Variants in STK10 observed in about 807,000 individuals in gnomAD.
STK10 encodes the protein serine/threonine-protein kinase 10.
A neutral mutation model predicts 113.8 loss-of-function variants in STK10; 78 were observed. That is an observed-to-expected ratio of 0.69 (90% CI 0.57 to 0.83). The LOEUF is 0.83. Among genes scored for constraint, STK10 ranks in the 40% least tolerant of loss-of-function variants. The pLI is 0.00. For missense variants in STK10, 1,109 were observed against 1,280.1 expected (o/e 0.87, Z 2.04); for synonymous variants, 465 against 494.7 (o/e 0.94, Z 0.80).
At chr5:172,148,570 A>G (rs1404525371) in intron 2 of STK10, among the ~76,000 whole-genome samples, 4 of 152,236 alleles carry the variant, frequency 2.6e-5, no homozygotes, top group Non-Finnish European at 5.9e-5. Flanking sequence ...TGGGCCACCA[A>G]CCGCACCCGG....
intron 18 of STK10, chr5:172,045,495 CA>C (rs1466639223): frequency 1.3e-5 from 6 of 446,072 alleles, no homozygotes; most frequent in Non-Finnish European, 2.2e-5. Context: ...AAAACAAAAA[CA>C]AAAACAAAAA....
chr5:172,088,123 T>C (rs545700883), intron 10 of STK10, among the ~76,000 whole-genome samples: 84 of 152,132 alleles, frequency 5.5e-4, no homozygotes, highest in South Asian at 4.2e-3. Context: ...GTTGCCCAGA[T>C]GGTCTCGAAC....
chr5:172,182,529 G>A (rs1051595482), intron 1 of STK10, among the ~76,000 whole-genome samples: 3 of 148,648 alleles, frequency 2.0e-5, no homozygotes, highest in African/African-American at 5.0e-5. Flanking sequence ...GACCACGGGC[G>A]CATGTCACCA....
At chr5:172,112,689 G>T (rs1206502459) in intron 4 of STK10, among the ~76,000 whole-genome samples, 2 of 151,518 alleles carry the variant, frequency 1.3e-5, no homozygotes, top group Non-Finnish European at 2.9e-5. Flanking sequence ...AAAGTGCTGG[G>T]ATTACAGGTG....
intron 7 of STK10, among the ~76,000 whole-genome samples, chr5:172,100,174 A>G (rs943398345): frequency 8.5e-5 from 13 of 152,230 alleles, no homozygotes; most frequent in African/African-American, 3.1e-4. Flanking sequence ...TTAGAGGCCC[A>G]TTAGAGAGAT....
chr5:172,047,997 G>A (rs1561785845), intron 18 of STK10, among the ~76,000 whole-genome samples: 1 of 149,610 alleles, frequency 6.7e-6, no homozygotes, highest in Non-Finnish European at 1.5e-5. Flanking sequence ...CCGCCTCCCG[G>A]GTTCAAGCCA....
intron 18 of STK10, chr5:172,045,564 G>T: frequency 2.5e-6 from 1 of 407,378 alleles, no homozygotes; most frequent in Non-Finnish European, 4.8e-6. Flanking sequence ...ATCTGTGGTG[G>T]GACCAAGGCC....
At chr5:172,127,505 T>C in intron 2 of STK10, 84 bp from the exon 3 acceptor site, 1 of 1,460,202 alleles carries the variant, frequency 6.8e-7, no homozygotes, top group South Asian at 1.2e-5. Context: ...TTGGGCAGGG[T>C]CCACCCATGC....
At chr5:172,069,702 C>T (rs1297909211) in intron 12 of STK10, among the ~76,000 whole-genome samples, 1 of 151,968 alleles carries the variant, frequency 6.6e-6, no homozygotes, top group East Asian at 1.9e-4. Flanking sequence ...TAGATAAATC[C>T]ACAATTACAG....
chr5:172,105,653 C>T lies in STK10; in HGVS notation c.870+3G>A. On this transcript the variant is annotated splice_donor_region_variant and intron_variant, in intron 7 of 18. Coordinates refer to ENST00000176763, the MANE Select transcript of STK10 (RefSeq NM_005990.4). ...GAGCAGAGTGGGAGGGGAATCCACT[C>T]ACCTCCAGCAGCTGCGCGGCACTGG... 6.2e-7 allele frequency: 1 copy of T among 1,613,770 alleles called. No homozygotes were observed.
intron 13 of STK10, 87 bp downstream of exon 13, chr5:172,064,633 G>T: frequency 7.1e-7 from 1 of 1,398,892 alleles, no homozygotes. Context: ...GAGGGGCAGG[G>T]ATTGGGCAAA....
At chr5:172,069,217 A>G (rs1768130130) in intron 12 of STK10, among the ~76,000 whole-genome samples, 1 of 152,170 alleles carries the variant, frequency 6.6e-6, no homozygotes, top group African/African-American at 2.4e-5. Flanking sequence ...AATGCCATAA[A>G]CACCTCTACT....
At chr5:172,171,332 T>C (rs1199050510) in intron 1 of STK10, among the ~76,000 whole-genome samples, 1 of 152,204 alleles carries the variant, frequency 6.6e-6, no homozygotes, top group Non-Finnish European at 1.5e-5. Flanking sequence ...CAGCCTTTTA[T>C]ACCTTTACAT....
intron 2 of STK10, among the ~76,000 whole-genome samples, chr5:172,155,050 AG>A (rs1189247665): frequency 7.1e-6 from 1 of 141,018 alleles, no homozygotes; most frequent in African/African-American, 2.6e-5. Context: ...ATGGGTACAT[AG>A]TCAGCAGGCC....
intron 1 of STK10, among the ~76,000 whole-genome samples, chr5:172,166,890 G>C (rs547750047): frequency 5.3e-5 from 8 of 152,224 alleles, no homozygotes; most frequent in Non-Finnish European, 1.0e-4. Context: ...GGCCAGGCAC[G>C]GTGGCTCGTG....
chr5:172,103,974 G>A (rs954737897), intron 7 of STK10, among the ~76,000 whole-genome samples: 10 of 152,258 alleles, frequency 6.6e-5, no homozygotes, highest in African/African-American at 2.4e-4. Context: ...CAGAGCTGTC[G>A]AACCCTGGAC....
At chr5:172,117,376 C>T in intron 4 of STK10, 105 bp downstream of exon 4, 1 of 1,420,434 alleles carries the variant, frequency 7.0e-7, no homozygotes, top group East Asian at 2.4e-5. Context: ...GCGTGAGGAC[C>T]CCACACCCCC....
intron 10 of STK10, among the ~76,000 whole-genome samples, chr5:172,089,208 G>T (rs1302200344): frequency 1.3e-5 from 2 of 152,174 alleles, no homozygotes; most frequent in South Asian, 2.1e-4. Context: ...GGCTTCCCTT[G>T]GAGCAGCCTC....
At chr5:172,065,026 C>T (rs1040877059) in intron 12 of STK10, among the ~76,000 whole-genome samples, 1 of 152,228 alleles carries the variant, frequency 6.6e-6, no homozygotes, top group African/African-American at 2.4e-5. Context: ...CTTCCAACTC[C>T]CCCAGAGTGG....
Sources: gnomAD v4.1 joint callset for allele counts (sites outside exome capture counted in the v4.1 genomes callset) on GRCh38, gnomAD v4.1.1 for gene constraint, MANE v1.5 for transcripts, NCBI Gene and HGNC (gene_info 2026-07-23, HGNC 2026-07-21) for gene names.